KAZN: variants seen among roughly 807,000 people sequenced by gnomAD.
KAZN encodes kazrin, periplakin interacting protein, also known as kazrin.
KAZN carries 40 observed loss-of-function variants against 87.4 expected under a neutral mutation model. The ratio of observed to expected loss-of-function variants is 0.46; its 90% CI spans 0.36 to 0.60. KAZN has a LOEUF of 0.60. KAZN is among the 20% of genes least tolerant of loss of function. The probability of loss-of-function intolerance (pLI) is 0.00; values close to 1 mark genes in which losing one functional copy is unlikely to be tolerated. For synonymous variants in KAZN, 466 were observed against 458.3 expected, an observed-to-expected ratio of 1.02 and a Z score of -0.22; for missense variants, 898 against 1,073.9, an observed-to-expected ratio of 0.84 and a Z score of 2.29.
intron 1 of KAZN, among the ~76,000 whole-genome samples, chr1:14,696,686 T>C (rs1641620473): frequency 6.6e-6 from 1 of 152,288 alleles, no homozygotes; most frequent in East Asian, 1.9e-4. Context: ...AAAACCCAAA[T>C]GTCTGGGTCC....
rs16853607 is a variant in KAZN, at chr1:14,122,920, C to G, written c.92-57515C>G. 1.0e-2 allele frequency among the ~76,000 whole-genome samples: 1,522 copies of G among 152,278 alleles called. 27 individuals carry two copies. Among genetic ancestry groups the G allele is most frequent in the African/African-American group, 0.035 (1,455 of 41,554 alleles). On this transcript the variant is annotated intron_variant, in intron 1 of 16. Coordinates refer to the KAZN transcript ENST00000636203. ...GTTTGTTTTTTGTCTATGGCTACTG[C>G]TCTGTGACATACTTGTTTTCCCTAC... is the stretch of plus-strand genomic sequence containing the variant.
At chr1:14,416,994 GTGTA>G (rs776487649) in intron 2 of KAZN, among the ~76,000 whole-genome samples, 59 of 112,932 alleles carry the variant, frequency 5.2e-4, no homozygotes, top group Middle Eastern at 4.3e-3. Context: ...ATATATATGT[GTGTA>G]TGTATATATA....
Position 14,598,765 on chromosome 1 carries a change from T to C in KAZN, c.-233T>C, listed in dbSNP as rs1676691669. The C allele has an allele frequency of 7.4e-7, 1 of 1,343,814 alleles. No homozygotes were observed. 83.2% of individuals were successfully genotyped at this position (1,343,814 alleles called of 1,614,324 possible). A position where few individuals can be genotyped will look rare whatever the true frequency, so the allele number is the denominator to read the frequency against. On this transcript the variant is annotated 5_prime_UTR_variant, in exon 1 of 15. Coordinates refer to ENST00000376030, the MANE Select transcript of KAZN (RefSeq NM_201628.3). This position sits in a 1 kb window ranked among gnomAD's most constrained non-coding sequence, Gnocchi z 4.2. ...TCCTCCTCCTTCTCCTCCTCTTTTT[T>C]CTCCTCCGCCTCCTCCCCCCGCCGC...
chr1:14,366,101 T>G (rs1659973609), intron 2 of KAZN, among the ~76,000 whole-genome samples: 3 of 152,222 alleles, frequency 2.0e-5, no homozygotes, highest in Non-Finnish European at 4.4e-5. Context: ...TCATTAAAGC[T>G]GTCTGGTAGT....
intron 1 of KAZN, among the ~76,000 whole-genome samples, chr1:14,834,551 C>T (rs1243514499): frequency 2.6e-5 from 4 of 151,572 alleles, no homozygotes; most frequent in Non-Finnish European, 5.9e-5. Flanking sequence ...TTAGTAGAGA[C>T]GGGGTTTCAC....
At chr1:14,455,588 C>A (rs917656662) in intron 2 of KAZN, among the ~76,000 whole-genome samples, 1 of 152,130 alleles carries the variant, frequency 6.6e-6, no homozygotes, top group Non-Finnish European at 1.5e-5. Flanking sequence ...TGAATATGGA[C>A]AGTGATCTGA....
At chr1:14,980,651 A>C (rs1360124616) in intron 2 of KAZN, among the ~76,000 whole-genome samples, 1 of 152,182 alleles carries the variant, frequency 6.6e-6, no homozygotes, top group Non-Finnish European at 1.5e-5. Context: ...GCGAGGACAC[A>C]ACAGGCCCCA....
chr1:14,491,844 C>G (rs2148409282), intron 2 of KAZN, among the ~76,000 whole-genome samples: 1 of 152,134 alleles, frequency 6.6e-6, no homozygotes, highest in East Asian at 1.9e-4. Context: ...TCTACTTTGT[C>G]TGAAATAGAT....
At chr1:14,612,253 G>A (rs1186444925) in intron 1 of KAZN, among the ~76,000 whole-genome samples, 1 of 152,200 alleles carries the variant, frequency 6.6e-6, no homozygotes, top group East Asian at 1.9e-4. Context: ...CCGCTCAGTG[G>A]TTTGAGATGG....
chr1:14,430,106 GCTTA>G (rs1665961717), intron 2 of KAZN, among the ~76,000 whole-genome samples: 1 of 151,256 alleles, frequency 6.6e-6, no homozygotes, highest in Non-Finnish European at 1.5e-5. Flanking sequence ...CGACCGCATG[GCTTA>G]CTTCAAGAAT....
chr1:14,286,462 C>G (rs1386109008), intron 2 of KAZN, among the ~76,000 whole-genome samples: 1 of 152,212 alleles, frequency 6.6e-6, no homozygotes, highest in African/African-American at 2.4e-5. Flanking sequence ...AATCCCAGTT[C>G]TGAATTTTCA....
intron 2 of KAZN, among the ~76,000 whole-genome samples, chr1:14,994,282 C>T (rs985119058): frequency 1.1e-4 from 16 of 152,246 alleles, no homozygotes; most frequent in African/African-American, 3.6e-4. Context: ...AAGACCACCT[C>T]CCTCAGCCTG....
intron 2 of KAZN, among the ~76,000 whole-genome samples, chr1:14,408,226 G>A (rs1664022064): frequency 6.6e-6 from 1 of 152,256 alleles, no homozygotes; most frequent in African/African-American, 2.4e-5. Context: ...GCATGAGAAG[G>A]AGGAAAGAAT....
At position 14,467,078 on chromosome 1, in the gene KAZN, TTCTA is replaced by T. The variant is rs577522954; in HGVS notation, c.250-131901_250-131898del. 2.6e-3 allele frequency among the ~76,000 whole-genome samples: 402 copies of T among 152,330 alleles called. 2 individuals carry two copies. Among genetic ancestry groups the T allele is most frequent in the African/African-American group, 9.3e-3 (386 of 41,580 alleles). On this transcript the variant is annotated intron_variant, in intron 2 of 16. Transcript: ENST00000636203. ...AGTATAAATATATTTTTGTAATTCC[TTCTA>T]TCTGATTTTAAAAATAACTACATAA... is the stretch of plus-strand genomic sequence containing the variant.
intron 2 of KAZN, among the ~76,000 whole-genome samples, chr1:14,355,783 G>GTAT (rs1178921748): frequency 1.3e-5 from 2 of 152,174 alleles, no homozygotes; most frequent in Non-Finnish European, 2.9e-5. Context: ...TAGCTGCATA[G>GTAT]TATTCCATGG....
intron 2 of KAZN, among the ~76,000 whole-genome samples, chr1:14,373,511 G>A (rs768892164): frequency 2.2e-4 from 33 of 152,186 alleles, no homozygotes; most frequent in Non-Finnish European, 4.3e-4. Flanking sequence ...AACTGCTTAA[G>A]TGAGTCCAAT....
intron 1 of KAZN, among the ~76,000 whole-genome samples, chr1:14,687,578 T>G: frequency 6.6e-6 from 1 of 152,156 alleles, no homozygotes; most frequent in East Asian, 1.9e-4. Context: ...TAGAAGAACT[T>G]TCCAGGCCAG....
At chr1:14,060,279 C>T (rs1467404484) in intron 1 of KAZN, among the ~76,000 whole-genome samples, 2 of 148,208 alleles carry the variant, frequency 1.3e-5, no homozygotes, top group African/African-American at 5.0e-5. Flanking sequence ...AGGAGAATGG[C>T]GTGAAACCGG....
intron 2 of KAZN, among the ~76,000 whole-genome samples, chr1:14,961,832 A>T (rs1202249039): frequency 2.0e-5 from 3 of 152,220 alleles, no homozygotes; most frequent in Non-Finnish European, 4.4e-5. Flanking sequence ...TGCTGTAACA[A>T]AGAGACCCCA....
Sources: gnomAD v4.1 joint callset for allele counts (sites outside exome capture counted in the v4.1 genomes callset) on GRCh38, gnomAD v4.1.1 for gene constraint, Gnocchi (gnomAD v3.1) non-coding constraint, MANE v1.5 for transcripts, NCBI Gene and HGNC (gene_info 2026-07-23, HGNC 2026-07-21) for gene names.